The following TF variants were observed in gnomAD, a reference collection of about 807,000 sequenced individuals.
TF encodes the protein serotransferrin.
Under a neutral mutation model 82.4 loss-of-function variants are expected in TF, and 55 were observed. The ratio of observed to expected loss-of-function variants is 0.67; its 90% CI spans 0.54 to 0.84. The LOEUF (loss-of-function observed/expected upper bound fraction) is 0.84. TF is among the 40% of genes least tolerant of loss of function. The probability of loss-of-function intolerance (pLI) is 0.00; values close to 1 mark genes in which losing one functional copy is unlikely to be tolerated. For synonymous variants in TF, 332 were observed against 332.6 expected (o/e 1.00, Z 0.02); for missense variants, 737 against 868.4 (o/e 0.85, Z 1.90).
At chr3:133,772,283 C>T (rs180961677) in intron 14 of TF, among the ~76,000 whole-genome samples, 7 of 152,222 alleles carry the variant, frequency 4.6e-5, no homozygotes, top group Non-Finnish European at 1.5e-5. Flanking sequence ...AGAGTGTTAC[C>T]CTAAGCTTGG....
chr3:133,757,980 C>T lies in TF; in HGVS notation c.1048+34C>T, dbSNP rs183495846. ...CTGGGAAGAACCAGGTGACCACAAG[C>T]ACTTGGGAAACCTGGTGAGCACAGG... On this transcript the variant is annotated intron_variant, in intron 8 of 16. Coordinates refer to ENST00000402696, the MANE Select transcript of TF (RefSeq NM_001063.4). 172 of 1,610,182 alleles carry T rather than the reference C, an allele frequency of 1.1e-4. No individual in the cohort carries two copies. In the African/African-American group the frequency reaches 2.2e-3, roughly 20 times the overall value.
At chr3:133,702,851 A>G in the TF span, among the ~76,000 whole-genome samples, 59 of 152,270 alleles carry the variant, frequency 3.9e-4, no homozygotes, top group African/African-American at 1.4e-3. Context: ...CCAATTCCTA[A>G]GATTAAGATC....
chr3:133,746,102 C>A (rs1481929929), upstream of TF: 2 of 451,504 alleles, frequency 4.4e-6, no homozygotes, highest in Non-Finnish European at 8.3e-6. Flanking sequence ...GGAGCAGAGC[C>A]CCCCGGCTCC....
At chr3:133,746,094 A>C (rs1372786091), upstream of TF, 2 of 442,208 alleles carry the variant, frequency 4.5e-6, no homozygotes, top group Non-Finnish European at 8.5e-6. Flanking sequence ...TGGAGTCAGG[A>C]GCAGAGCCCC....
At chr3:133,665,907 C>A in the TF span, among the ~76,000 whole-genome samples, 6 of 142,880 alleles carry the variant, frequency 4.2e-5, 1 homozygote, top group East Asian at 2.0e-4. Flanking sequence ...TGCACTCCAG[C>A]CTGGGCAAAA....
At position 133,746,414 on chromosome 3, in the gene TF, C is replaced by T; in HGVS notation, c.-27C>T. ...CTGCACAGAAGCGAGTCCGACTGTG[C>T]TCGCTGCTCAGCGCCGCACCCGGAA... On this transcript the variant is annotated 5_prime_UTR_variant, in exon 1 of 17. Coordinates refer to ENST00000402696, the MANE Select transcript of TF (RefSeq NM_001063.4). The T allele has an allele frequency of 1.3e-6, 2 of 1,590,764 alleles. No homozygotes were observed. Among genetic ancestry groups the T allele is most frequent in the Non-Finnish European group, 1.7e-6 (2 of 1,172,184 alleles).
At chr3:133,693,369 C>G in the TF span, among the ~76,000 whole-genome samples, 4 of 152,270 alleles carry the variant, frequency 2.6e-5, no homozygotes, top group African/African-American at 9.6e-5. Flanking sequence ...CTCCAGGCTC[C>G]CTGTTCAGTT....
At chr3:133,691,691 C>T in the TF span, 204 of 152,976 alleles carry the variant, frequency 1.3e-3, no homozygotes, top group Middle Eastern at 0.023. Context: ...AAGTGATGGG[C>T]ATCATGCATG....
At chr3:133,678,896 G>A in the TF span, among the ~76,000 whole-genome samples, 2 of 151,788 alleles carry the variant, frequency 1.3e-5, no homozygotes, top group Non-Finnish European at 2.9e-5. Flanking sequence ...GTTTTGAGAT[G>A]AAATCTCACT....
the TF span, among the ~76,000 whole-genome samples, chr3:133,727,498 C>T: frequency 3.6e-5 from 4 of 111,644 alleles, no homozygotes; most frequent in Admixed American, 9.9e-5. Context: ...TTTTGTTTTC[C>T]ATTTGCTTGG....
At chr3:133,662,031 G>A in the TF span, 1 of 152,304 alleles carries the variant, frequency 6.6e-6, no homozygotes, top group Non-Finnish European at 1.5e-5. Context: ...GTCAAACGTG[G>A]AGGTGAGCAG....
the TF span, among the ~76,000 whole-genome samples, chr3:133,731,123 G>A: frequency 1.3e-5 from 2 of 152,158 alleles, no homozygotes; most frequent in Admixed American, 6.5e-5. Flanking sequence ...TGGACCCTGA[G>A]GACATTAAAC....
chr3:133,758,006 G>C, intron 8 of TF, 60 bp downstream of exon 8: 2 of 1,568,068 alleles, frequency 1.3e-6, no homozygotes, highest in Non-Finnish European at 1.8e-6. Flanking sequence ...TGAGCACAGG[G>C]GCCAGAGATT....
the TF span, among the ~76,000 whole-genome samples, chr3:133,724,941 G>T: frequency 6.6e-6 from 1 of 152,100 alleles, no homozygotes. Context: ...GTTTTTCTCA[G>T]GTTTGTCAAA....
the TF span, among the ~76,000 whole-genome samples, chr3:133,731,366 C>G: frequency 1.3e-5 from 2 of 152,188 alleles, no homozygotes; most frequent in African/African-American, 4.8e-5. Context: ...TGTTACAGGA[C>G]AGTGGGGACA....
chr3:133,714,632 T>G, the TF span, among the ~76,000 whole-genome samples: 3 of 152,160 alleles, frequency 2.0e-5, no homozygotes, highest in African/African-American at 7.2e-5. Flanking sequence ...TTCAGACCTC[T>G]CATTCTCTCC....
At chr3:133,763,047 A>G (rs1934033613) in intron 9 of TF, among the ~76,000 whole-genome samples, 1 of 152,164 alleles carries the variant, frequency 6.6e-6, no homozygotes, top group South Asian at 2.1e-4. Flanking sequence ...TTCCCCTCCT[A>G]CAACTACCTT....
At chr3:133,698,593 T>C in the TF span, among the ~76,000 whole-genome samples, 1 of 152,214 alleles carries the variant, frequency 6.6e-6, no homozygotes, top group Non-Finnish European at 1.5e-5. Flanking sequence ...TGCCTTTATG[T>C]TCACATGGCC....
intron 15 of TF, 131 bp downstream of exon 15, chr3:133,775,748 A>C (rs750284771): frequency 2.7e-4 from 245 of 900,194 alleles, no homozygotes; most frequent in Non-Finnish European, 3.8e-4. Context: ...TGCATTGTGC[A>C]TTTCATGCCA....
Sources: gnomAD v4.1 joint callset for allele counts (sites outside exome capture counted in the v4.1 genomes callset) on GRCh38, gnomAD v4.1.1 for gene constraint, MANE v1.5 for transcripts, NCBI Gene and HGNC (gene_info 2026-07-23, HGNC 2026-07-21) for gene names.